Variants in LMLN observed in about 807,000 individuals in gnomAD.
The protein encoded by LMLN is leishmanolysin like peptidase, also known as leishmanolysin-like peptidase.
A neutral mutation model predicts 92.3 loss-of-function variants in LMLN; 70 were observed. The ratio of observed to expected loss-of-function variants is 0.76; its 90% CI spans 0.63 to 0.92. LMLN has a LOEUF of 0.92. Ranked by LOEUF, LMLN falls within the 40% of genes least tolerant of loss-of-function variation. The pLI is 0.00. For synonymous variants in LMLN, 308 were observed against 296.2 expected (o/e 1.04, Z -0.41); for missense variants, 691 against 814.6 (o/e 0.85, Z 1.85).
Position 198,030,565 on chromosome 3 carries a change from A to G in LMLN, c.1657-5268A>G, listed in dbSNP as rs563683455. 1.3e-4 allele frequency among the ~76,000 whole-genome samples: 20 copies of G among 152,220 alleles called. No homozygotes were observed. The South Asian group carries it at 3.9e-3, about 30-fold the overall frequency. On this transcript the variant is annotated intron_variant, in intron 14 of 15. Coordinates refer to ENST00000330198, the Ensembl canonical transcript of LMLN. ...ATTCTATCCATTTCATCTTGAGGAA[A>G]TCTCTTCTGGACATTTCTGGCCTGT... is the stretch of plus-strand genomic sequence containing the variant.
At chr3:198,015,204 C>G (rs1722594538) in intron 11 of LMLN, among the ~76,000 whole-genome samples, 1 of 142,184 alleles carries the variant, frequency 7.0e-6, no homozygotes, top group Non-Finnish European at 1.5e-5. Flanking sequence ...CTTCTCTGTA[C>G]CTTTCAGAGC....
At chr3:197,970,600 G>A (rs1363973079) in intron 1 of LMLN, among the ~76,000 whole-genome samples, 1 of 152,136 alleles carries the variant, frequency 6.6e-6, no homozygotes, top group Admixed American at 6.6e-5. Flanking sequence ...TGGTCACGTA[G>A]ACAAAATTTC....
chr3:198,035,316 C>T (rs1307995207), intron 14 of LMLN, among the ~76,000 whole-genome samples: 1 of 151,558 alleles, frequency 6.6e-6, no homozygotes, highest in Non-Finnish European at 1.5e-5. Context: ...AGAACTCCTG[C>T]CACACAGAGT....
chr3:198,025,588 T>C lies in LMLN; in HGVS notation c.1656+800T>C, dbSNP rs1020266093. ...TCTCACTATGTTGCCCAGGCTAGAT[T>C]AGAACTTCGGGGCCCAAGCAATCCT... On this transcript the variant is annotated intron_variant, in intron 14 of 15. Coordinates refer to ENST00000330198, the Ensembl canonical transcript of LMLN. The surrounding 1 kb of genome is among the most constrained non-coding windows in gnomAD (Gnocchi z 4.3). 1.3e-5 allele frequency among the ~76,000 whole-genome samples: 2 copies of C among 152,184 alleles called. No individual in the cohort carries two copies. The highest frequency in any genetic ancestry group is 2.9e-5 in the Non-Finnish European group (2 of 68,026).
chr3:198,012,709 T>A (rs1294990726), intron 11 of LMLN, among the ~76,000 whole-genome samples: 1 of 151,144 alleles, frequency 6.6e-6, no homozygotes, highest in Non-Finnish European at 1.5e-5. Flanking sequence ...CCCTAACTAG[T>A]CTGCCTTCTC....
chr3:198,019,720 C>G lies in LMLN; in HGVS notation c.1365+335C>G, dbSNP rs907406263. On this transcript the variant is annotated intron_variant, in intron 12 of 15. Transcript: ENST00000330198. The surrounding 1 kb of genome is among the most constrained non-coding windows in gnomAD (Gnocchi z 5.5). ...AAAAAGAAATCTTTAAAGAAAATAACTTAAGTACTCCAATCCAGTTAATTA... is the reference window on the plus strand; with the variant it reads ...AAAAAGAAATCTTTAAAGAAAATAAGTTAAGTACTCCAATCCAGTTAATTA... 2.6e-5 allele frequency among the ~76,000 whole-genome samples: 4 copies of G among 152,144 alleles called. No homozygotes were observed. Among genetic ancestry groups the G allele is most frequent in the African/African-American group, 9.7e-5 (4 of 41,422 alleles).
exon 16 of LMLN, chr3:198,041,637 A>G (rs1357846695): frequency 2.6e-5 from 4 of 152,234 alleles, no homozygotes; most frequent in Admixed American, 1.3e-4. Flanking sequence ...GCCAGTGCTC[A>G]TTTTCTGCCT....
At chr3:198,001,496 G>C (rs1722171675) in intron 11 of LMLN, among the ~76,000 whole-genome samples, 1 of 152,204 alleles carries the variant, frequency 6.6e-6, no homozygotes, top group South Asian at 2.1e-4. Context: ...ATAGGGCTAA[G>C]GGCTTCTGAA....
At chr3:198,008,085 T>G (rs1192142886) in intron 11 of LMLN, among the ~76,000 whole-genome samples, 2 of 152,226 alleles carry the variant, frequency 1.3e-5, no homozygotes, top group East Asian at 3.8e-4. Flanking sequence ...TAAACCCCAC[T>G]TGGTGATGGC....
chr3:197,978,228 G>T (rs1272093423), intron 5 of LMLN, among the ~76,000 whole-genome samples: 1 of 152,188 alleles, frequency 6.6e-6, no homozygotes, highest in African/African-American at 2.4e-5. Flanking sequence ...ATATAAAAAT[G>T]TTAATCATTT....
At chr3:198,021,065 G>A (rs916732712) in intron 12 of LMLN, among the ~76,000 whole-genome samples, 1 of 151,926 alleles carries the variant, frequency 6.6e-6, no homozygotes, top group African/African-American at 2.4e-5. Flanking sequence ...CGTATAAACT[G>A]CCTCCTAAAA....
rs1722714096 is a variant in LMLN, at chr3:198,019,075, T to A, written c.1233-178T>A. Among the ~76,000 whole-genome samples the A allele has an allele frequency of 6.6e-6, 1 of 152,198 alleles. No individual in the cohort carries two copies. Among genetic ancestry groups the A allele is most frequent in the Non-Finnish European group, 1.5e-5 (1 of 68,036 alleles). On this transcript the variant is annotated intron_variant, in intron 11 of 15. Transcript: ENST00000330198. This position sits in a 1 kb window ranked among gnomAD's most constrained non-coding sequence, Gnocchi z 5.5. Reference sequence around the variant, plus strand: ...GATTATTGAGCAGAGAAAATTCCACTCTTTGTAGCTGCAGGGCAGAGGGGA... The same window carrying A: ...GATTATTGAGCAGAGAAAATTCCACACTTTGTAGCTGCAGGGCAGAGGGGA...
chr3:198,009,699 A>G (rs1259269360), intron 11 of LMLN, among the ~76,000 whole-genome samples: 8 of 152,194 alleles, frequency 5.3e-5, no homozygotes, highest in Non-Finnish European at 1.2e-4. Context: ...TAGTGCATGA[A>G]TTGTGGTAAC....
chr3:198,039,787 C>T (rs1444509097), exon 16 of LMLN: 1 of 152,196 alleles, frequency 6.6e-6, no homozygotes, highest in Non-Finnish European at 1.5e-5. Context: ...ATTCATCCCT[C>T]CTCAGAGCCC....
At chr3:197,981,172 C>T (rs920119783) in intron 6 of LMLN, among the ~76,000 whole-genome samples, 1 of 151,850 alleles carries the variant, frequency 6.6e-6, no homozygotes, top group Non-Finnish European at 1.5e-5. Context: ...CTTTGTGAGG[C>T]TGAGGCGGGT....
At chr3:197,991,250 C>T (rs1560142021) in intron 9 of LMLN, among the ~76,000 whole-genome samples, 1 of 151,700 alleles carries the variant, frequency 6.6e-6, no homozygotes, top group South Asian at 2.1e-4. Context: ...ACTACAGGCA[C>T]GCACCACCAC....
intron 11 of LMLN, among the ~76,000 whole-genome samples, chr3:198,013,400 C>G (rs1482661513): frequency 8.9e-5 from 10 of 112,258 alleles, no homozygotes; most frequent in African/African-American, 4.6e-4. Flanking sequence ...CCCTTTAGAG[C>G]CCCCTAACTA....
intron 11 of LMLN, among the ~76,000 whole-genome samples, chr3:198,012,958 C>T (rs1280368187): frequency 8.9e-6 from 1 of 112,858 alleles, no homozygotes; most frequent in East Asian, 2.3e-4. Flanking sequence ...CTTCAGAGCC[C>T]CCTAACTAGT....
chr3:198,005,394 T>C (rs1197346619), intron 11 of LMLN, among the ~76,000 whole-genome samples: 7 of 152,118 alleles, frequency 4.6e-5, no homozygotes, highest in African/African-American at 7.2e-5. Context: ...ACAAAATCCA[T>C]AGATGCTTAT....
Sources: gnomAD v4.1 joint callset for allele counts (sites outside exome capture counted in the v4.1 genomes callset) on GRCh38, gnomAD v4.1.1 for gene constraint, Gnocchi (gnomAD v3.1) non-coding constraint, MANE v1.5 for transcripts, NCBI Gene and HGNC (gene_info 2026-07-23, HGNC 2026-07-21) for gene names.